RSRC1: variants seen among roughly 807,000 people sequenced by gnomAD.
RSRC1 encodes the protein arginine and serine rich coiled-coil 1, also known as serine/Arginine-related protein 53.
Under a neutral mutation model 49.1 loss-of-function variants are expected in RSRC1, and 39 were observed. The ratio of observed to expected loss-of-function variants is 0.79; its 90% confidence interval spans 0.61 to 1.04. The LOEUF (loss-of-function observed/expected upper bound fraction) is 1.04. Among genes scored for constraint, RSRC1 ranks in the 50% least tolerant of loss-of-function variants. RSRC1 has a pLI of 0.00. For synonymous variants in RSRC1, 143 were observed against 130.8 expected (o/e 1.09, Z -0.63); for missense variants, 388 against 402.4 (o/e 0.96, Z 0.31).
intron 6 of RSRC1, among the ~76,000 whole-genome samples, chr3:158,364,947 T>C (rs1731681083): frequency 2.0e-5 from 3 of 151,764 alleles, no homozygotes; most frequent in Admixed American, 6.6e-5. Flanking sequence ...TAGAGATTTA[T>C]AAATAATTTA....
At chr3:158,160,503 G>T (rs1429735875) in intron 3 of RSRC1, among the ~76,000 whole-genome samples, 1 of 152,042 alleles carries the variant, frequency 6.6e-6, no homozygotes, top group African/African-American at 2.4e-5. Context: ...TAAACAAGCA[G>T]AATTCTGTTT....
intron 6 of RSRC1, among the ~76,000 whole-genome samples, chr3:158,444,811 G>A (rs574762233): frequency 1.1e-4 from 17 of 151,794 alleles, no homozygotes; most frequent in Admixed American, 5.9e-4. Flanking sequence ...AAATTTACAA[G>A]AAAAAAACAA....
intron 3 of RSRC1, among the ~76,000 whole-genome samples, chr3:158,194,916 G>A (rs1720486038): frequency 6.6e-6 from 1 of 152,048 alleles, no homozygotes; most frequent in Non-Finnish European, 1.5e-5. Flanking sequence ...TTTAGGATAG[G>A]TTCCAAGTCT....
intron 4 of RSRC1, among the ~76,000 whole-genome samples, chr3:158,242,254 C>T (rs367919467): frequency 6.6e-6 from 1 of 151,910 alleles, no homozygotes; most frequent in East Asian, 1.9e-4. Context: ...ACCATGTGTC[C>T]ATGTATTCTC....
Position 158,141,366 on chromosome 3 carries a change from G to A in RSRC1, c.320+17375G>A, listed in dbSNP as rs749941918. On this transcript the variant is annotated intron_variant, in intron 3 of 9. Coordinates refer to ENST00000611884, the MANE Select transcript of RSRC1 (RefSeq NM_001271838.2). ...GATGAGAAGTATGGATCATCTTTAC[G>A]TAAAATTTCATATATTTACATGCAT... 2.0e-4 allele frequency among the ~76,000 whole-genome samples: 31 copies of A among 152,092 alleles called. 1 individual carries two copies. Among genetic ancestry groups the A allele is most frequent in the Middle Eastern group, 3.2e-3 (1 of 316 alleles).
At chr3:158,179,338 A>T (rs1719446222) in intron 3 of RSRC1, among the ~76,000 whole-genome samples, 1 of 152,218 alleles carries the variant, frequency 6.6e-6, no homozygotes, top group Non-Finnish European at 1.5e-5. Context: ...GCTAAGATAG[A>T]GAGTATTACC....
intron 6 of RSRC1, among the ~76,000 whole-genome samples, chr3:158,443,381 T>G (rs902493430): frequency 6.6e-6 from 1 of 152,074 alleles, no homozygotes; most frequent in Non-Finnish European, 1.5e-5. Flanking sequence ...CAGCAGCCTT[T>G]CCATCAGCAT....
intron 3 of RSRC1, among the ~76,000 whole-genome samples, chr3:158,125,812 CCTA>C (rs577511289): frequency 5.7e-4 from 87 of 151,970 alleles, no homozygotes; most frequent in African/African-American, 2.0e-3. Context: ...ATTGAAATAC[CCTA>C]CTATTACTAT....
intron 7 of RSRC1, among the ~76,000 whole-genome samples, chr3:158,496,151 G>T (rs140706671): frequency 2.0e-5 from 3 of 151,880 alleles, no homozygotes; most frequent in Non-Finnish European, 4.4e-5. Flanking sequence ...TATATCTAGC[G>T]GTGCAATTGG....
In RSRC1 at chr3:158,236,048, G is replaced by A. The variant is rs190990996; in HGVS notation, c.494+32803G>A. On this transcript the variant is annotated intron_variant, in intron 4 of 9. Transcript: ENST00000611884. Reference sequence around the variant, plus strand: ...TGAGAACTCCATGAACTCAGGAGGCGGAGGTTGCAGTGAGCTGAGATTGTG... The same window carrying A: ...TGAGAACTCCATGAACTCAGGAGGCAGAGGTTGCAGTGAGCTGAGATTGTG... 1.2e-3 allele frequency among the ~76,000 whole-genome samples: 176 copies of A among 152,058 alleles called. 1 individual carries two copies. The highest frequency in any genetic ancestry group is 4.1e-3 in the African/African-American group (169 of 41,480).
intron 6 of RSRC1, among the ~76,000 whole-genome samples, chr3:158,438,930 C>A (rs1189744438): frequency 6.6e-6 from 1 of 152,114 alleles, no homozygotes; most frequent in East Asian, 1.9e-4. Flanking sequence ...TGACAAAGGG[C>A]TAATATCCAG....
intron 1 of RSRC1, among the ~76,000 whole-genome samples, chr3:158,121,798 A>G (rs1715278171): frequency 6.6e-6 from 1 of 152,168 alleles, no homozygotes; most frequent in East Asian, 1.9e-4. Flanking sequence ...CACATAAACA[A>G]TTTTACTTTG....
intron 5 of RSRC1, among the ~76,000 whole-genome samples, chr3:158,336,969 G>A (rs932084088): frequency 2.6e-5 from 4 of 152,172 alleles, no homozygotes; most frequent in African/African-American, 9.7e-5. Flanking sequence ...CAGGGAGCCC[G>A]GCATAGCCGT....
intron 4 of RSRC1, among the ~76,000 whole-genome samples, chr3:158,254,854 C>T (rs1035326377): frequency 6.6e-6 from 1 of 152,166 alleles, no homozygotes; most frequent in African/African-American, 2.4e-5. Flanking sequence ...CTGTTGGCTG[C>T]ATAAATGTCT....
intron 7 of RSRC1, among the ~76,000 whole-genome samples, chr3:158,475,670 TAATA>T (rs1193890607): frequency 6.6e-6 from 1 of 152,090 alleles, no homozygotes; most frequent in Non-Finnish European, 1.5e-5. Context: ...ACAATGAACT[TAATA>T]AATAGGTAAG....
chr3:158,112,607 T>C (rs1283299965), intron 1 of RSRC1, among the ~76,000 whole-genome samples: 1 of 152,232 alleles, frequency 6.6e-6, no homozygotes, highest in African/African-American at 2.4e-5. Context: ...ACTTGAAATA[T>C]TTATAGTTTT....
chr3:158,155,009 T>TTTTTG (rs1240351192), intron 3 of RSRC1, among the ~76,000 whole-genome samples: 14 of 152,232 alleles, frequency 9.2e-5, no homozygotes, highest in African/African-American at 1.4e-4. Flanking sequence ...CTAATTCTGT[T>TTTTTG]TTTTGTTTTG....
chr3:158,376,245 G>T (rs1342498643), intron 6 of RSRC1, among the ~76,000 whole-genome samples: 1 of 141,916 alleles, frequency 7.0e-6, no homozygotes, highest in Non-Finnish European at 1.5e-5. Context: ...AGGCTGGAGT[G>T]CAGTGGTGCA....
At chr3:158,145,563 C>T (rs1409691518) in intron 3 of RSRC1, among the ~76,000 whole-genome samples, 3 of 152,096 alleles carry the variant, frequency 2.0e-5, no homozygotes, top group African/African-American at 7.2e-5. Context: ...AGTCAGGTAG[C>T]ATGATGCCTC....
Sources: allele counts gnomAD v4.1 joint callset (sites outside exome capture counted in the v4.1 genomes callset), GRCh38; gene constraint gnomAD v4.1.1; transcripts MANE v1.5; gene names NCBI Gene and HGNC (gene_info 2026-07-23, HGNC 2026-07-21).